The following TMEM117 variants were observed in gnomAD, a reference collection of about 807,000 sequenced individuals.
TMEM117 encodes transmembrane protein 117.
In TMEM117, 27 loss-of-function variants were observed where a neutral mutation model predicts 52.4. The ratio of observed to expected loss-of-function variants is 0.51; its 90% CI spans 0.38 to 0.71. TMEM117 has a LOEUF of 0.71. Ranked by LOEUF, TMEM117 falls within the 30% of genes least tolerant of loss-of-function variation. The pLI, the probability that TMEM117 is intolerant of heterozygous loss-of-function variation, is 0.00. For missense variants in TMEM117, 556 were observed against 630.5 expected (o/e 0.88, Z 1.26); for synonymous variants, 215 against 206.3 (o/e 1.04, Z -0.36).
intron 4 of TMEM117, among the ~76,000 whole-genome samples, chr12:44,185,837 A>G (rs1192327190): frequency 6.6e-6 from 1 of 151,376 alleles, no homozygotes; most frequent in African/African-American, 2.4e-5. Context: ...AACAGTTTAT[A>G]TAGTTCTGCT....
At chr12:43,964,754 A>G (rs1945457988) in intron 3 of TMEM117, among the ~76,000 whole-genome samples, 1 of 152,196 alleles carries the variant, frequency 6.6e-6, no homozygotes, top group Non-Finnish European at 1.5e-5. Context: ...GTTCTTATCT[A>G]TAATTAGTAC....
chr12:44,046,406 G>A (rs761741669), intron 3 of TMEM117, among the ~76,000 whole-genome samples: 3 of 152,196 alleles, frequency 2.0e-5, no homozygotes, highest in Non-Finnish European at 4.4e-5. Flanking sequence ...CATATTGGAG[G>A]TTAGGAAGAG....
chr12:44,143,592 A>G lies in TMEM117; in HGVS notation c.478A>G (p.Thr160Ala). ...TTTCATGAAATTAGCTGCAGTAGGG[A>G]CCTGGATGGGGGACTTTGTCACAGC... ...ESFMKLAAVG[T>A]WMGDFVTAWM... Residue 160 changes from threonine (T) to alanine (A), a missense_variant, in exon 4 of 8, where the codon ACC becomes GCC. Thr to Ala is a moderately conservative substitution (Grantham distance 58). Around this residue, in one of 3 missense-constraint regions of TMEM117, gnomAD observed 328 missense variants for 371.4 expected, o/e 0.88. Coordinates refer to ENST00000266534, the MANE Select transcript of TMEM117 (RefSeq NM_032256.3). The G allele has an allele frequency of 6.2e-7, 1 of 1,613,920 alleles. No individual in the cohort carries two copies. The highest frequency in any genetic ancestry group is 8.5e-7 in the Non-Finnish European group (1 of 1,179,910).
intron 5 of TMEM117, among the ~76,000 whole-genome samples, chr12:44,282,083 G>C (rs1950583510): frequency 6.6e-6 from 1 of 151,922 alleles, no homozygotes; most frequent in African/African-American, 2.4e-5. Flanking sequence ...GTTTATCAGG[G>C]GTTTCCACTT....
intron 2 of TMEM117, among the ~76,000 whole-genome samples, chr12:43,879,093 A>G (rs181400127): frequency 5.3e-4 from 81 of 152,344 alleles, no homozygotes; most frequent in Non-Finnish European, 7.6e-4. Context: ...TTTTTAATAT[A>G]GGTAGATAAT....
intron 3 of TMEM117, among the ~76,000 whole-genome samples, chr12:43,975,465 C>T (rs1162992345): frequency 6.6e-6 from 1 of 152,076 alleles, no homozygotes; most frequent in Non-Finnish European, 1.5e-5. Flanking sequence ...ATTTAATGCT[C>T]ATGACAGTTT....
chr12:43,806,082 C>G, the TMEM117 span: 1 of 1,517,872 alleles, frequency 6.6e-7, no homozygotes, highest in Non-Finnish European at 8.8e-7. Flanking sequence ...CGCGGAGAGG[C>G]GCCGAGGCCC....
chr12:44,157,339 A>T (rs1022298108), intron 4 of TMEM117, among the ~76,000 whole-genome samples: 3 of 151,394 alleles, frequency 2.0e-5, no homozygotes, highest in Non-Finnish European at 4.4e-5. Flanking sequence ...GTGAGATAAA[A>T]GATAAAGCAT....
chr12:43,868,378 C>T (rs1943645247), intron 2 of TMEM117, among the ~76,000 whole-genome samples: 2 of 151,434 alleles, frequency 1.3e-5, no homozygotes, highest in African/African-American at 4.9e-5. Context: ...CCTGTCTCTA[C>T]TAAAATAATA....
chr12:44,001,050 A>G (rs553511659), intron 3 of TMEM117, among the ~76,000 whole-genome samples: 1 of 152,330 alleles, frequency 6.6e-6, no homozygotes, highest in South Asian at 2.1e-4. Flanking sequence ...ATGGAGACCC[A>G]GAGGTCTTCG....
intron 2 of TMEM117, among the ~76,000 whole-genome samples, chr12:43,901,151 G>A (rs1184047377): frequency 6.6e-6 from 1 of 152,098 alleles, no homozygotes; most frequent in Admixed American, 6.5e-5. Context: ...AAAATGAGTC[G>A]ACTTTTAAGA....
At chr12:44,065,771 A>G (rs546523156) in intron 3 of TMEM117, among the ~76,000 whole-genome samples, 1 of 152,338 alleles carries the variant, frequency 6.6e-6, no homozygotes, top group African/African-American at 2.4e-5. Context: ...CCACTCGTGT[A>G]CAGATAAAAA....
At chr12:44,364,348 C>A (rs1012222) in intron 6 of TMEM117, among the ~76,000 whole-genome samples, 13 of 152,026 alleles carry the variant, frequency 8.6e-5, no homozygotes, top group Admixed American at 3.9e-4. Flanking sequence ...ATTTTTACCA[C>A]CTTCAGAACT....
At chr12:44,317,085 G>C (rs183105257) in intron 6 of TMEM117, among the ~76,000 whole-genome samples, 3 of 135,124 alleles carry the variant, frequency 2.2e-5, no homozygotes, top group Non-Finnish European at 4.6e-5. Context: ...TTCTTAATCC[G>C]TCATTTCTGA....
chr12:44,192,290 G>T (rs1049637519), intron 4 of TMEM117, among the ~76,000 whole-genome samples: 2 of 152,116 alleles, frequency 1.3e-5, no homozygotes, highest in Admixed American at 1.3e-4. Context: ...TGTGATTCCT[G>T]TTCTGATTGC....
intron 3 of TMEM117, among the ~76,000 whole-genome samples, chr12:44,001,820 G>A (rs906282638): frequency 5.9e-5 from 9 of 152,078 alleles, no homozygotes; most frequent in Non-Finnish European, 8.8e-5. Flanking sequence ...GTGACATTGT[G>A]ACCATTGTAT....
At chr12:44,048,400 G>A (rs1946913924) in intron 3 of TMEM117, among the ~76,000 whole-genome samples, 1 of 151,636 alleles carries the variant, frequency 6.6e-6, no homozygotes, top group African/African-American at 2.4e-5. Context: ...ATTTGCATTT[G>A]TTTTACTGTT....
chr12:44,238,176 A>G (rs1950020720), intron 5 of TMEM117, among the ~76,000 whole-genome samples: 1 of 152,234 alleles, frequency 6.6e-6, no homozygotes, highest in African/African-American at 2.4e-5. Flanking sequence ...CAACAAAACA[A>G]CAAAACATTT....
At chr12:44,083,415 T>C (rs1181838871) in intron 3 of TMEM117, among the ~76,000 whole-genome samples, 3 of 139,290 alleles carry the variant, frequency 2.2e-5, no homozygotes, top group Non-Finnish European at 4.5e-5. Flanking sequence ...TTTTTTTTTT[T>C]AGACATGGTT....
Sources: gnomAD v4.1 joint callset for allele counts (sites outside exome capture counted in the v4.1 genomes callset) on GRCh38, gnomAD v4.1.1 for gene constraint, gnomAD v4.1.1 regional missense constraint, MANE v1.5 for transcripts, NCBI Gene and HGNC (gene_info 2026-07-23, HGNC 2026-07-21) for gene names.